The following INPPL1 variants were observed in gnomAD, a reference collection of about 807,000 sequenced individuals.
INPPL1 encodes the protein phosphatidylinositol 3,4,5-trisphosphate 5-phosphatase 2.
In INPPL1, 91 loss-of-function variants were observed where a neutral mutation model predicts 139.3. That is an observed-to-expected ratio of 0.65 (90% confidence interval 0.55 to 0.78). The LOEUF (loss-of-function observed/expected upper bound fraction) is 0.78, where lower values mean the gene tolerates loss of function less well. Ranked by LOEUF, INPPL1 falls within the 30% of genes least tolerant of loss-of-function variation. INPPL1 has a pLI of 0.00. For missense variants in INPPL1, 1,411 were observed against 1,665.6 expected (o/e 0.85, Z 2.66); for synonymous variants, 719 against 686.6 (o/e 1.05, Z -0.74).
At chr11:72,236,249 T>C (rs1239453230) in intron 25 of INPPL1, among the ~76,000 whole-genome samples, 1 of 152,206 alleles carries the variant, frequency 6.6e-6, no homozygotes, top group Non-Finnish European at 1.5e-5. Flanking sequence ...GACAGCTCCC[T>C]CCATGTAAAC....
chr11:72,229,642 CCTGGTT>C lies in INPPL1; in HGVS notation c.754-18_754-13del. Reference sequence around the variant, plus strand: ...TCTGCTTAGGTGACTCATGTACAAGCCTGGTTCTTCCTCCCCCCAGAACCTGCCACA... The same window carrying C: ...TCTGCTTAGGTGACTCATGTACAAGCCTTCCTCCCCCCAGAACCTGCCACA... On this transcript the variant is annotated splice_polypyrimidine_tract_variant and intron_variant, in intron 6 of 27. Coordinates refer to ENST00000298229, the MANE Select transcript of INPPL1 (RefSeq NM_001567.4). 4 of 1,613,148 alleles carry C rather than the reference CCTGGTT, an allele frequency of 2.5e-6. No homozygotes were observed. Among genetic ancestry groups the C allele is most frequent in the Non-Finnish European group, 3.4e-6 (4 of 1,179,232 alleles).
At chr11:72,227,904 A>G (rs368591609) in intron 1 of INPPL1, 27 of 483,184 alleles carry the variant, frequency 5.6e-5, no homozygotes, top group South Asian at 5.1e-4. Flanking sequence ...GGAGGCCACA[A>G]AAGAGCTCCC....
chr11:72,236,000 C>T lies in INPPL1; in HGVS notation c.2879+14C>T, dbSNP rs868021414. 11 of 1,473,494 alleles carry T rather than the reference C, an allele frequency of 7.5e-6. No homozygotes were observed. The Middle Eastern group carries it at 6.6e-4, about 88-fold the overall frequency. The allele number at this position is 1,473,494 out of a possible 1,614,324, so 91.3% of individuals were successfully genotyped here. Reference sequence around the variant, plus strand: ...CTTGACCCCCAGGTGAGAGGAGGAACCTGTCACCGCCCCCCCTTCCCCCAC... The same window carrying T: ...CTTGACCCCCAGGTGAGAGGAGGAATCTGTCACCGCCCCCCCTTCCCCCAC... On this transcript the variant is annotated intron_variant, in intron 25 of 27. Coordinates refer to ENST00000298229, the MANE Select transcript of INPPL1 (RefSeq NM_001567.4). This position sits in a 1 kb window ranked among gnomAD's most constrained non-coding sequence, Gnocchi z 4.9.
At chr11:72,238,009 C>T (rs754646481) in intron 26 of INPPL1, 33 bp from the exon 27 acceptor site, 2 of 1,515,278 alleles carry the variant, frequency 1.3e-6, no homozygotes, top group Middle Eastern at 2.4e-4. Context: ...ATGGGGGGCA[C>T]TCAGCTCCCC....
intron 1 of INPPL1, among the ~76,000 whole-genome samples, chr11:72,226,137 T>TCTTTGGTC (rs1948665453): frequency 6.6e-6 from 1 of 151,752 alleles, no homozygotes; most frequent in African/African-American, 2.4e-5. Context: ...TCTCCTGACA[T>TCTTTGGTC]CTTTGGTCGG....
At position 72,235,302 on chromosome 11, in the gene INPPL1, G is replaced by A. The variant is rs2135440790; in HGVS notation, c.2510G>A (p.Cys837Tyr). The A allele has an allele frequency of 6.2e-7, 1 of 1,614,086 alleles. No homozygotes were observed. The highest frequency in any genetic ancestry group is 8.5e-7 in the Non-Finnish European group (1 of 1,179,988). Residue 837 changes from cysteine (C) to tyrosine (Y), a missense_variant, in exon 23 of 28, where the codon TGT becomes TAT. Coordinates refer to ENST00000298229, the MANE Select transcript of INPPL1 (RefSeq NM_001567.4). The surrounding 1 kb of genome is among the most constrained non-coding windows in gnomAD (Gnocchi z 4.9). ...TGTCCCATCTGCTCCTCAGGGGAGT[G>A]TGTGGTTGCACTCAAATCCATGATC... ...SMDGYESYGE[C>Y]VVALKSMIGS...
In INPPL1 at chr11:72,229,231, G is replaced by C; in HGVS notation, c.659+1G>C. On this transcript the variant is annotated splice_donor_variant, in intron 5 of 27. Coordinates refer to ENST00000298229, the MANE Select transcript of INPPL1 (RefSeq NM_001567.4). LOFTEE classifies it high-confidence loss of function. ...CTACCTCATGCCGGAGGCTGCACAG[G>C]TATCTGGGACATCCAGCCCCATGTA... 1 of 1,604,962 alleles carries C rather than the reference G, an allele frequency of 6.2e-7. No individual in the cohort carries two copies. Among genetic ancestry groups the C allele is most frequent in the Non-Finnish European group, 8.5e-7 (1 of 1,174,910 alleles).
chr11:72,233,648 TCC>T lies in INPPL1; in HGVS notation c.2123-4_2123-3del. On this transcript the variant is annotated splice_polypyrimidine_tract_variant and splice_region_variant and intron_variant, in intron 18 of 27. Coordinates refer to ENST00000298229, the MANE Select transcript of INPPL1 (RefSeq NM_001567.4). The stretch of plus-strand genomic sequence containing the variant: ...CCTGAGTCCCCATTCCTATCCCCTC[TCC>T]CCAGGTTGCACTGATGACATCGTCA... 6.2e-7 allele frequency: 1 copy of T among 1,613,800 alleles called. No individual in the cohort carries two copies. Among genetic ancestry groups the T allele is most frequent in the African/African-American group, 1.3e-5 (1 of 74,992 alleles).
chr11:72,237,141 C>G lies in INPPL1; in HGVS notation c.2897C>G (p.Ala966Gly). 6.3e-7 allele frequency: 1 copy of G among 1,591,212 alleles called. No individual in the cohort carries two copies. The highest frequency in any genetic ancestry group is 8.6e-7 in the Non-Finnish European group (1 of 1,165,116). The change falls in exon 26 of 28, where the codon GCT (alanine) becomes GGT (glycine). Residue 966 changes from alanine to glycine, a missense_variant. By Grantham distance (60) the Ala-to-Gly change is moderately conservative. Coordinates refer to ENST00000298229, the MANE Select transcript of INPPL1 (RefSeq NM_001567.4). ...PLTPRLKPEGAPEPEGVAAPP... is the reference protein window; with the variant it reads ...PLTPRLKPEGGPEPEGVAAPP... ...ACACCCAGGTTGAAGCCAGAGGGAG[C>G]TCCTGAACCAGAAGGGGTGGCGGCC...
intron 26 of INPPL1, 109 bp downstream of exon 26, chr11:72,237,905 T>C (rs1949041162): frequency 6.9e-7 from 1 of 1,444,964 alleles, no homozygotes; most frequent in South Asian, 1.4e-5. Context: ...TACCCTGAAC[T>C]GATCACTGGG....
At position 72,234,791 on chromosome 11, in the gene INPPL1, A is replaced by AG. The variant is rs1407898344; in HGVS notation, c.2415+178dup. On this transcript the variant is annotated intron_variant, in intron 21 of 27. Coordinates refer to ENST00000298229, the MANE Select transcript of INPPL1 (RefSeq NM_001567.4). The surrounding 1 kb of genome is among the most constrained non-coding windows in gnomAD (Gnocchi z 4.2). Reference sequence around the variant, plus strand: ...TGGGCATGGGCATGAGTGAGGATAAAGGCGTTTGCTTTATTTTGGGAGTGT... The same window carrying AG: ...TGGGCATGGGCATGAGTGAGGATAAAGGGCGTTTGCTTTATTTTGGGAGTGT... Among the ~76,000 whole-genome samples, 1 of 151,058 alleles carries AG rather than the reference A, an allele frequency of 6.6e-6. No homozygotes were observed. Among genetic ancestry groups the AG allele is most frequent in the African/African-American group, 2.4e-5 (1 of 40,898 alleles).
At position 72,233,512 on chromosome 11, in the gene INPPL1, C is replaced by T. The variant is rs1206162666; in HGVS notation, c.2112C>T (p.Cys704=). ...CCTACCCTGAAACTCACATCATCTG[C>T]AATTCTTATGGTCAGAGCCTCCCGG... ...WKSYPETHII[C]NSYGCTDDIV... is the part of the protein sequence containing the mutation. Residue 704 remains cysteine, a synonymous_variant, in exon 18 of 28, where the codon TGC becomes TGT. Coordinates refer to ENST00000298229, the MANE Select transcript of INPPL1 (RefSeq NM_001567.4). 3 of 1,613,932 alleles carry T rather than the reference C, an allele frequency of 1.9e-6. No homozygotes were observed. Among genetic ancestry groups the T allele is most frequent in the Non-Finnish European group, 2.5e-6 (3 of 1,179,932 alleles).
At chr11:72,225,284 C>T (rs76170479) in intron 1 of INPPL1, 118 bp downstream of exon 1, 17 of 1,219,182 alleles carry the variant, frequency 1.4e-5, no homozygotes, top group Non-Finnish European at 1.6e-5. Context: ...CCCGCCTCCA[C>T]CCCCCAGAGT....
Position 72,228,982 on chromosome 11 carries a change from G to T in INPPL1, c.519-108G>T. On this transcript the variant is annotated intron_variant, in intron 4 of 27. Transcript: ENST00000298229. This position sits in a 1 kb window ranked among gnomAD's most constrained non-coding sequence, Gnocchi z 5.0. The stretch of plus-strand genomic sequence containing the variant: ...ACCTCAGCCCAGAGGCAGATAACCT[G>T]ATCCATCCCGCCCTGGTTGCCACAG... 6.6e-7 allele frequency: 1 copy of T among 1,523,998 alleles called. No homozygotes were observed. Among genetic ancestry groups the T allele is most frequent in the South Asian group, 1.3e-5 (1 of 77,464 alleles). 94.4% of individuals were successfully genotyped at this position (1,523,998 alleles called of 1,614,324 possible).
At chr11:72,224,569 C>T (rs1565380765), upstream of INPPL1, among the ~76,000 whole-genome samples, 3 of 148,012 alleles carry the variant, frequency 2.0e-5, no homozygotes, top group Non-Finnish European at 4.5e-5. Context: ...ACTGGATCTC[C>T]TCGGGTGAAT....
chr11:72,229,292 C>T, intron 5 of INPPL1, 62 bp downstream of exon 5: 5 of 1,517,844 alleles, frequency 3.3e-6, no homozygotes, highest in Middle Eastern at 1.7e-4. Flanking sequence ...TCACCTGCTT[C>T]CCGGCTGCAC....
At chr11:72,230,523 T>C in intron 10 of INPPL1, 55 bp downstream of exon 10, 1 of 1,496,602 alleles carries the variant, frequency 6.7e-7, no homozygotes, top group South Asian at 1.1e-5. Context: ...CCCACATGGG[T>C]GCTTCCCATT....
At position 72,234,993 on chromosome 11, in the gene INPPL1, T is replaced by A; in HGVS notation, c.2416-123T>A. On this transcript the variant is annotated intron_variant, in intron 21 of 27. Transcript: ENST00000298229. The surrounding 1 kb of genome is among the most constrained non-coding windows in gnomAD (Gnocchi z 4.2). Reference sequence around the variant, plus strand: ...AAGGATTTGGCTCTTCTCTGAAGAGTTGAGTGTGAGTGAGCACAGATGACC... The same window carrying A: ...AAGGATTTGGCTCTTCTCTGAAGAGATGAGTGTGAGTGAGCACAGATGACC... 1.3e-6 allele frequency: 1 copy of A among 770,280 alleles called. No homozygotes were observed. Among genetic ancestry groups the A allele is most frequent in the Non-Finnish European group, 2.2e-6 (1 of 460,842 alleles). 47.7% of individuals were successfully genotyped at this position (770,280 alleles called of 1,614,324 possible). A position where few individuals can be genotyped will look rare whatever the true frequency, so the allele number is the denominator to read the frequency against.
intron 1 of INPPL1, chr11:72,225,526 G>C (rs1948646338): frequency 1.0e-6 from 1 of 985,238 alleles, no homozygotes. Context: ...GTCCCGTTTG[G>C]ATAGGGACTG....
Sources: allele counts gnomAD v4.1 joint callset (sites outside exome capture counted in the v4.1 genomes callset), GRCh38; gene constraint gnomAD v4.1.1; non-coding constraint Gnocchi (gnomAD v3.1); transcripts MANE v1.5; gene names NCBI Gene and HGNC (gene_info 2026-07-23, HGNC 2026-07-21).